The following DOCK9 variants were observed in gnomAD, a reference collection of about 807,000 sequenced individuals.
The protein encoded by DOCK9 is dedicator of cytokinesis 9.
A neutral mutation model predicts 263.3 loss-of-function variants in DOCK9; 89 were observed. The observed-to-expected ratio is 0.34, with a 90% confidence interval of 0.28 to 0.40. The LOEUF is 0.40. Ranked by LOEUF, DOCK9 falls within the 10% of genes least tolerant of loss-of-function variation. The pLI, the probability that DOCK9 is intolerant of heterozygous loss-of-function variation, is 1.00. For synonymous variants in DOCK9, 976 were observed against 973.1 expected (o/e 1.00, Z -0.06); for missense variants, 2,140 against 2,603.4 (o/e 0.82, Z 3.87).
chr13:99,025,751 C>T (rs924184568), intron 1 of DOCK9, among the ~76,000 whole-genome samples: 2 of 152,190 alleles, frequency 1.3e-5, no homozygotes, highest in African/African-American at 2.4e-5. Context: ...CATGAATGCT[C>T]TTAGCAGCAC....
At chr13:98,812,127 A>ATTTTTTTTTTTT (rs56880707) in intron 45 of DOCK9, among the ~76,000 whole-genome samples, 1 of 77,646 alleles carries the variant, frequency 1.3e-5, no homozygotes, top group African/African-American at 5.2e-5. Flanking sequence ...AAACCACAGG[A>ATTTTTTTTTTTT]TTTTTTTTTT....
intron 1 of DOCK9, among the ~76,000 whole-genome samples, chr13:98,993,663 C>A (rs1305999934): frequency 6.6e-6 from 1 of 152,178 alleles, no homozygotes; most frequent in African/African-American, 2.4e-5. Flanking sequence ...ATGGCGTGAA[C>A]CCGGGAGGCG....
intron 39 of DOCK9, chr13:98,834,377 T>C (rs549852413): frequency 6.6e-6 from 1 of 152,338 alleles, no homozygotes; most frequent in African/African-American, 2.4e-5. Context: ...CTGTTACAGA[T>C]GCTTGCCAAT....
chr13:98,971,803 A>G (rs2141357612), intron 1 of DOCK9, among the ~76,000 whole-genome samples: 1 of 152,314 alleles, frequency 6.6e-6, no homozygotes, highest in African/African-American at 2.4e-5. Flanking sequence ...GAAGATGATA[A>G]AATGTAACAC....
rs952282960 is a variant in DOCK9, at chr13:99,021,377, T to C, written c.129+64846A>G. On this transcript the variant is annotated intron_variant, in intron 1 of 32. Coordinates refer to the DOCK9 transcript ENST00000427887. ...AGGGAAGGCCAGGCGTGGTGGCTCA[T>C]GCCTGTAATCCCAGCACTTTGGGAG... is the stretch of plus-strand genomic sequence containing the variant. Among the ~76,000 whole-genome samples, 11 of 152,264 alleles carry C rather than the reference T, an allele frequency of 7.2e-5. No homozygotes were observed. The South Asian group carries it at 8.3e-4, about 11-fold the overall frequency.
chr13:99,081,827 T>A (rs1201845367), intron 1 of DOCK9, among the ~76,000 whole-genome samples: 2 of 152,260 alleles, frequency 1.3e-5, no homozygotes, highest in Non-Finnish European at 2.9e-5. Flanking sequence ...CTGACTATTC[T>A]AAATTATGGA....
At chr13:99,007,394 AT>A (rs1356748110) in intron 1 of DOCK9, among the ~76,000 whole-genome samples, 2 of 151,864 alleles carry the variant, frequency 1.3e-5, no homozygotes, top group East Asian at 3.8e-4. Flanking sequence ...CTCAAAAAAA[AT>A]AAAAATAAAA....
chr13:98,805,769 A>AT (rs143497622), intron 48 of DOCK9, among the ~76,000 whole-genome samples: 1,601 of 151,152 alleles, frequency 0.011, 10 homozygotes, highest in Non-Finnish European at 0.017. Flanking sequence ...GAATTATTTT[A>AT]TTTTTTTTTG....
chr13:98,824,314 C>T (rs551787597), intron 45 of DOCK9, 84 bp downstream of exon 45: 3 of 1,213,376 alleles, frequency 2.5e-6, no homozygotes, highest in Non-Finnish European at 3.6e-6. Flanking sequence ...GAGGAAAAAG[C>T]CCTGGTCTGA....
chr13:98,864,320 A>C lies in DOCK9; in HGVS notation c.3287-772T>G, dbSNP rs575277581. Reference sequence around the variant, plus strand: ...ATAGGAGCAAACATGAACTCTACTTAGGAAGGGTACATAAAAACAGCTAAA... The same window carrying C: ...ATAGGAGCAAACATGAACTCTACTTCGGAAGGGTACATAAAAACAGCTAAA... On this transcript the variant is annotated intron_variant, in intron 30 of 52. Transcript: ENST00000682017. Among the ~76,000 whole-genome samples the C allele has an allele frequency of 3.9e-5, 6 of 152,378 alleles. No homozygotes were observed. The South Asian group carries it at 1.2e-3, about 32-fold the overall frequency.
intron 1 of DOCK9, among the ~76,000 whole-genome samples, chr13:99,053,114 A>T (rs2040776275): frequency 6.6e-6 from 1 of 152,188 alleles, no homozygotes; most frequent in Non-Finnish European, 1.5e-5. Context: ...AAAATAAAAT[A>T]GATTACCACT....
intron 1 of DOCK9, among the ~76,000 whole-genome samples, chr13:98,999,584 T>C (rs1208391998): frequency 6.6e-6 from 1 of 151,498 alleles, no homozygotes; most frequent in African/African-American, 2.4e-5. Flanking sequence ...ATCCTCAGTG[T>C]TTCTTTCTTT....
chr13:98,944,667 C>T (rs2056475003), intron 2 of DOCK9, among the ~76,000 whole-genome samples: 4 of 152,190 alleles, frequency 2.6e-5, no homozygotes, highest in Non-Finnish European at 5.9e-5. Flanking sequence ...CCTCCCCTGC[C>T]TGTAACAGTT....
At chr13:98,859,864 A>T (rs1335849893) in intron 33 of DOCK9, 1 of 152,054 alleles carries the variant, frequency 6.6e-6, no homozygotes, top group Non-Finnish European at 1.5e-5. Flanking sequence ...TCTTATGGAG[A>T]AACTATTAGA....
At chr13:98,887,143 A>ATATT (rs1470080750) in intron 18 of DOCK9, among the ~76,000 whole-genome samples, 9 of 95,288 alleles carry the variant, frequency 9.4e-5, no homozygotes, top group African/African-American at 3.0e-4. Context: ...ATATATATAT[A>ATATT]TTTTTTTTTT....
intron 1 of DOCK9, among the ~76,000 whole-genome samples, chr13:99,068,467 C>T (rs993548138): frequency 6.6e-6 from 1 of 152,124 alleles, no homozygotes; most frequent in African/African-American, 2.4e-5. Flanking sequence ...CGCCTGTAAT[C>T]CCAGGTACTG....
chr13:99,074,101 T>C (rs1476786939), intron 1 of DOCK9, among the ~76,000 whole-genome samples: 1 of 152,268 alleles, frequency 6.6e-6, no homozygotes, highest in African/African-American at 2.4e-5. Flanking sequence ...AAAGGTGTTT[T>C]GCAAGAAGTG....
intron 39 of DOCK9, chr13:98,834,744 T>C (rs2092922407): frequency 6.6e-6 from 1 of 152,248 alleles, no homozygotes; most frequent in African/African-American, 2.4e-5. Context: ...CTAAGTGAGA[T>C]AACATGTGTG....
intron 36 of DOCK9, among the ~76,000 whole-genome samples, chr13:98,849,402 T>A (rs1438391444): frequency 3.3e-5 from 5 of 151,280 alleles, no homozygotes; most frequent in Admixed American, 2.6e-4. Flanking sequence ...ATTTATTCAA[T>A]TATTATGAAC....
Sources: allele counts gnomAD v4.1 joint callset (sites outside exome capture counted in the v4.1 genomes callset), GRCh38; gene constraint gnomAD v4.1.1; transcripts MANE v1.5; gene names NCBI Gene and HGNC (gene_info 2026-07-23, HGNC 2026-07-21).